The following SYCP1 variants were observed in gnomAD, a reference collection of about 807,000 sequenced individuals.
SYCP1 encodes the protein cancer/testis antigen 8.
A neutral mutation model predicts 153.1 loss-of-function variants in SYCP1; 64 were observed. The ratio of observed to expected loss-of-function variants is 0.42; its 90% CI spans 0.34 to 0.51. The LOEUF (loss-of-function observed/expected upper bound fraction) is 0.51, where lower values mean the gene tolerates loss of function less well. Among genes scored for constraint, SYCP1 ranks in the 20% least tolerant of loss-of-function variants. The pLI is 0.06. For missense variants in SYCP1, 997 were observed against 1,049.0 expected, an observed-to-expected ratio of 0.95 and a Z score of 0.68; for synonymous variants, 384 against 341.8, an observed-to-expected ratio of 1.12 and a Z score of -1.36.
intron 23 of SYCP1, among the ~76,000 whole-genome samples, chr1:114,937,454 C>A (rs1318397057): frequency 1.3e-5 from 2 of 152,092 alleles, no homozygotes; most frequent in South Asian, 4.1e-4. Context: ...AGAAGAAAAC[C>A]TAGGCGATAC....
At chr1:114,988,972 G>A (rs969114768) in intron 30 of SYCP1, among the ~76,000 whole-genome samples, 2 of 151,930 alleles carry the variant, frequency 1.3e-5, no homozygotes, top group East Asian at 3.9e-4. Context: ...TTTGAGACCA[G>A]CCTGGGTAAC....
Position 114,857,456 on chromosome 1 carries a change from G to C in SYCP1, c.250G>C (p.Asp84His). Residue 84 changes from aspartate (D) to histidine (H), a missense_variant, in exon 5 of 32, where the codon GAC (aspartate) becomes CAC (histidine). Physicochemically the swap from Asp to His is moderately conservative, Grantham distance 81 (BLOSUM62 -1). Coordinates refer to ENST00000369522, the MANE Select transcript of SYCP1 (RefSeq NM_003176.4). The stretch of plus-strand genomic sequence containing the variant: ...TCTATCTTTTTAGGTTGGTAATTCT[G>C]ACTGTCACTATCAGGAAGGACTAAA... ...LPVLEQVGNS[D>H]CHYQEGLKDS... 6.3e-7 allele frequency: 1 copy of C among 1,599,550 alleles called. No individual in the cohort carries two copies. The highest frequency in any genetic ancestry group is 8.5e-7 in the Non-Finnish European group (1 of 1,172,796).
chr1:114,899,689 A>G (rs1667290491), intron 16 of SYCP1, among the ~76,000 whole-genome samples: 1 of 152,232 alleles, frequency 6.6e-6, no homozygotes, highest in Non-Finnish European at 1.5e-5. Flanking sequence ...GATTGATAGT[A>G]TACTCAGACA....
At chr1:114,978,038 G>A (rs1299142152) in intron 28 of SYCP1, among the ~76,000 whole-genome samples, 1 of 151,426 alleles carries the variant, frequency 6.6e-6, no homozygotes, top group African/African-American at 2.4e-5. Context: ...ATGACATCCT[G>A]TTTTCCTCAC....
rs1041356320 is a variant in SYCP1 at position 114,952,929 on chromosome 1, T to A, written c.2322+5609T>A. Among the ~76,000 whole-genome samples the A allele has an allele frequency of 2.0e-5, 3 of 152,236 alleles. No individual in the cohort carries two copies. The East Asian group carries it at 5.8e-4, about 29-fold the overall frequency. On this transcript the variant is annotated intron_variant, in intron 27 of 31. Transcript: ENST00000369522. ...GGGTAATTTATAAAGAACAGAAATG[T>A]ATTTTTCTCACAGTTCTGGAAAATG...
rs375436670 is a variant in SYCP1, at chr1:114,881,056, T to TATATATACACACACAC, written c.910+2855_910+2856insTATATACACACACACA. Among the ~76,000 whole-genome samples, 554 of 145,026 alleles carry TATATATACACACACAC rather than the reference T, an allele frequency of 3.8e-3. 10 individuals carry two copies. Among genetic ancestry groups the TATATATACACACACAC allele is most frequent in the African/African-American group, 0.013 (515 of 38,252 alleles). On this transcript the variant is annotated intron_variant, in intron 12 of 31. Transcript: ENST00000369522. ...TGAACAGTATTCCAATTTGTGTATA[T>TATATATACACACACAC]ACACACACACACACACACACACACA... is the stretch of plus-strand genomic sequence containing the variant.
At chr1:114,868,944 T>A (rs1181606514) in intron 8 of SYCP1, among the ~76,000 whole-genome samples, 1 of 152,182 alleles carries the variant, frequency 6.6e-6, no homozygotes, top group African/African-American at 2.4e-5. Flanking sequence ...TTTCTTAGCC[T>A]GGCTAGAATT....
At chr1:114,928,628 T>G (rs1433300392) in intron 23 of SYCP1, among the ~76,000 whole-genome samples, 2 of 152,198 alleles carry the variant, frequency 1.3e-5, no homozygotes, top group Non-Finnish European at 2.9e-5. Flanking sequence ...ACGGTATATA[T>G]GGCTGCTTAA....
chr1:114,914,597 A>G (rs1570760629), intron 20 of SYCP1, among the ~76,000 whole-genome samples: 1 of 152,174 alleles, frequency 6.6e-6, no homozygotes, highest in East Asian at 1.9e-4. Flanking sequence ...TAGACAAGCT[A>G]TCATGAACAA....
chr1:114,910,180 T>A, intron 16 of SYCP1: 1 of 319,194 alleles, frequency 3.1e-6, no homozygotes. Context: ...CATCTGTAAC[T>A]AAACAATTAA....
intron 9 of SYCP1, among the ~76,000 whole-genome samples, chr1:114,875,337 T>G (rs1188013503): frequency 4.7e-5 from 7 of 149,030 alleles, no homozygotes; most frequent in African/African-American, 1.7e-4. Flanking sequence ...CTCGGCTCAC[T>G]GCAAGCTCCG....
intron 30 of SYCP1, among the ~76,000 whole-genome samples, chr1:114,987,529 G>A (rs960278293): frequency 1.3e-5 from 2 of 151,950 alleles, no homozygotes; most frequent in Admixed American, 6.6e-5. Flanking sequence ...GCCAGGTGTG[G>A]TGGCACATGG....
chr1:114,885,613 C>A lies in SYCP1; in HGVS notation c.989C>A (p.Ser330Ter). The A allele has an allele frequency of 1.3e-6, 2 of 1,572,938 alleles. No homozygotes were observed. The highest frequency in any genetic ancestry group is 2.3e-5 in the South Asian group (2 of 85,878). Residue 330 changes from serine (S) to a stop codon, truncating the protein, a stop_gained, in exon 13 of 32, where the codon TCA (serine) becomes TAA (stop). Coordinates refer to ENST00000369522, the MANE Select transcript of SYCP1 (RefSeq NM_003176.4). LOFTEE classifies it high-confidence loss of function. The part of the protein sequence containing the change: ...LTKELEDIKV[S>*]LQRSVSTQKA... ...AAAGAACTAGAAGATATTAAAGTGT[C>A]ATTACAAAGAAGTGTGGTATGATTT... is the stretch of plus-strand genomic sequence containing the variant.
chr1:114,862,988 T>G (rs1230978865), intron 8 of SYCP1: 1 of 152,186 alleles, frequency 6.6e-6, no homozygotes, highest in Non-Finnish European at 1.5e-5. Context: ...TACAAGAGTG[T>G]ATATTCCATG....
intron 27 of SYCP1, among the ~76,000 whole-genome samples, chr1:114,956,749 G>T (rs1215107992): frequency 6.6e-6 from 1 of 152,190 alleles, no homozygotes; most frequent in Non-Finnish European, 1.5e-5. Flanking sequence ...CAAGACTCAT[G>T]GCAAGTGTGG....
intron 8 of SYCP1, among the ~76,000 whole-genome samples, chr1:114,870,512 A>G (rs1665044550): frequency 6.6e-6 from 1 of 152,190 alleles, no homozygotes; most frequent in African/African-American, 2.4e-5. Context: ...ATTTTAATCA[A>G]CAATAAGAGA....
chr1:114,969,676 A>G (rs1672354960), intron 27 of SYCP1, among the ~76,000 whole-genome samples: 1 of 152,054 alleles, frequency 6.6e-6, no homozygotes, highest in South Asian at 2.1e-4. Flanking sequence ...TTGGAGTTTC[A>G]TGTGCAACTG....
At chr1:114,944,280 A>G in intron 23 of SYCP1, 59 bp from the exon 24 acceptor site, 5 of 946,672 alleles carry the variant, frequency 5.3e-6, no homozygotes, top group Non-Finnish European at 8.1e-6. Context: ...TGAATATGGA[A>G]TGTTTTCAAG....
intron 8 of SYCP1, among the ~76,000 whole-genome samples, chr1:114,864,707 C>G (rs2101346880): frequency 6.6e-6 from 1 of 152,160 alleles, no homozygotes; most frequent in East Asian, 1.9e-4. Flanking sequence ...AGGATAGTCT[C>G]AAACTCCTGG....
Sources: allele counts gnomAD v4.1 joint callset (sites outside exome capture counted in the v4.1 genomes callset), GRCh38; gene constraint gnomAD v4.1.1; transcripts MANE v1.5; gene names NCBI Gene and HGNC (gene_info 2026-07-23, HGNC 2026-07-21).